The following NBPF11 variants were observed in gnomAD, a reference collection of about 807,000 sequenced individuals.
NBPF11 encodes NBPF family member NBPF11.
In NBPF11, 72 loss-of-function variants were observed where a neutral mutation model predicts 93.9. The ratio of observed to expected loss-of-function variants is 0.77; its 90% CI spans 0.63 to 0.93. The LOEUF (loss-of-function observed/expected upper bound fraction) is 0.93. Among genes scored for constraint, NBPF11 ranks in the 40% least tolerant of loss-of-function variants. NBPF11 has a pLI of 0.00. For synonymous variants in NBPF11, 224 were observed against 304.9 expected (o/e 0.73, Z 2.76); for missense variants, 705 against 802.2 (o/e 0.88, Z 1.46).
chr1:148,121,640 C>A (rs1271992901), intron 9 of NBPF11, among the ~76,000 whole-genome samples: 2 of 151,690 alleles, frequency 1.3e-5, no homozygotes, highest in East Asian at 3.9e-4. Context: ...CAGGTGTGAC[C>A]CACTGCGCCC....
At chr1:148,111,559 A>C (rs1447331404) in intron 15 of NBPF11, among the ~76,000 whole-genome samples, 1 of 151,376 alleles carries the variant, frequency 6.6e-6, no homozygotes, top group Non-Finnish European at 1.5e-5. Flanking sequence ...AAGACCTTAA[A>C]TGACCTGATG....
At chr1:148,150,153 C>CTTT (rs56775503) in intron 1 of NBPF11, among the ~76,000 whole-genome samples, 3 of 135,022 alleles carry the variant, frequency 2.2e-5, no homozygotes, top group African/African-American at 2.8e-5. Context: ...ATGACCTGTA[C>CTTT]TTTTTTTTTT....
In NBPF11 at chr1:148,108,570, A is replaced by T; in HGVS notation, c.1938T>A (p.Tyr646Ter). 1 of 1,601,232 alleles carries T rather than the reference A, an allele frequency of 6.2e-7. No individual in the cohort carries two copies. The highest frequency in any genetic ancestry group is 8.5e-7 in the Non-Finnish European group (1 of 1,170,842). ...LDRCYSTPSV[Y>*]LGLTDSCQPY... ...GCTGGCATGAGTCAGTCAGTCCAAG[A>T]TAAACTGAAGGAGTTGAATAACATC... The change falls in exon 18 of 24, where the codon TAT becomes TAA. Residue 646 changes from tyrosine (Y) to a stop codon, truncating the protein, a stop_gained. Transcript: ENST00000682118. LOFTEE classifies it high-confidence loss of function.
intron 4 of NBPF11, among the ~76,000 whole-genome samples, chr1:148,129,180 TGTA>T (rs1669814935): frequency 6.8e-6 from 1 of 146,452 alleles, no homozygotes; most frequent in Admixed American, 6.8e-5. Flanking sequence ...CATATATACA[TGTA>T]TACACGTATA....
rs1207155269 is a variant in NBPF11, at chr1:148,146,289, C to A, written c.-548-2603G>T. ...GGGCGGTAGCTGGGGGGGCGCTCTC[C>A]CCCCTGCCCGCGACTCGGAGCACCC... On this transcript the variant is annotated intron_variant, in intron 1 of 23. Coordinates refer to ENST00000682118, the MANE Select transcript of NBPF11 (RefSeq NM_001385469.3). 8 of 1,333,058 alleles carry A rather than the reference C, an allele frequency of 6.0e-6. No individual in the cohort carries two copies. In the South Asian group the frequency reaches 1.1e-4, roughly 18 times the overall value. The allele number at this position is 1,333,058 out of a possible 1,614,324, so 82.6% of individuals were successfully genotyped here. A position where few individuals can be genotyped will look rare whatever the true frequency, so the allele number is the denominator to read the frequency against.
chr1:148,132,256 G>GTGT (rs1558157540), intron 4 of NBPF11, among the ~76,000 whole-genome samples: 1 of 135,692 alleles, frequency 7.4e-6, no homozygotes, highest in East Asian at 2.2e-4. Context: ...TGTGTGTGTG[G>GTGT]GGGTGTGTAT....
At chr1:148,127,803 CG>C (rs1372230567) in intron 4 of NBPF11, among the ~76,000 whole-genome samples, 11,446 of 148,256 alleles carry the variant, frequency 0.077, 155 homozygotes, top group Middle Eastern at 0.16. Context: ...CCACCACGCC[CG>C]GCTAATTTTT....
chr1:148,105,417 C>T lies in NBPF11; in HGVS notation c.2415G>A (p.Thr805=), dbSNP rs1466133265. 6.3e-6 allele frequency: 7 copies of T among 1,116,162 alleles called. No individual in the cohort carries two copies. Among genetic ancestry groups the T allele is most frequent in the African/African-American group, 3.4e-5 (2 of 58,158 alleles). The allele number at this position is 1,116,162 out of a possible 1,614,324, so 69.1% of individuals were successfully genotyped here. The stretch of plus-strand genomic sequence containing the variant: ...TCCTCCAATGCATAAAAGGAACTTC[C>T]GTAGGGCTGGCAGGAGTCAGGCTGT... ...VLNSLTPASP[T]EVPFMHWRKN... is the part of the protein sequence containing the mutation. Residue 805 remains threonine (T), a synonymous_variant, in exon 22 of 24, where the codon ACG becomes ACA. Coordinates refer to ENST00000682118, the MANE Select transcript of NBPF11 (RefSeq NM_001385469.3).
chr1:148,149,641 G>C (rs1480419108), intron 1 of NBPF11: 10 of 1,331,054 alleles, frequency 7.5e-6, no homozygotes, highest in Non-Finnish European at 1.0e-5. Flanking sequence ...CCCACCCAGG[G>C]GCTGCATGTG....
In NBPF11 at chr1:148,111,553, C is replaced by T. The variant is rs1389946213; in HGVS notation, c.1638-1012G>A. Among the ~76,000 whole-genome samples the T allele has an allele frequency of 2.6e-5, 4 of 151,392 alleles. No individual in the cohort carries two copies. The South Asian group carries it at 6.2e-4, about 24-fold the overall frequency. ...ACCAGAATGAACAGTGTAGAGAAGA[C>T]CTTAAATGACCTGATGGAGCTGAAA... On this transcript the variant is annotated intron_variant, in intron 15 of 23. Transcript: ENST00000682118.
chr1:148,145,197 CTTTCTTT>C (rs1672799026), intron 1 of NBPF11, among the ~76,000 whole-genome samples: 2 of 100,572 alleles, frequency 2.0e-5, no homozygotes, highest in Non-Finnish European at 4.1e-5. Flanking sequence ...TTTCTTTTTT[CTTTCTTT>C]TTTTTTTTTT....
intron 14 of NBPF11, among the ~76,000 whole-genome samples, chr1:148,115,218 A>G (rs1396508340): frequency 4.2e-4 from 62 of 149,082 alleles, no homozygotes; most frequent in Middle Eastern, 3.4e-3. Context: ...CGACGCTACA[A>G]AGAAACATTG....
intron 6 of NBPF11, among the ~76,000 whole-genome samples, chr1:148,124,445 G>C (rs1484330871): frequency 6.7e-6 from 1 of 148,864 alleles, no homozygotes; most frequent in African/African-American, 2.5e-5. Flanking sequence ...GTACAGAAAT[G>C]AGGCCAGGTG....
intron 2 of NBPF11, among the ~76,000 whole-genome samples, chr1:148,138,528 T>C (rs1357951461): frequency 6.6e-6 from 1 of 151,866 alleles, no homozygotes; most frequent in East Asian, 1.9e-4. Context: ...AGTGTGTCTC[T>C]GGGTACTTGA....
chr1:148,132,438 A>C (rs1401726117), intron 4 of NBPF11, among the ~76,000 whole-genome samples: 1 of 149,534 alleles, frequency 6.7e-6, no homozygotes, highest in Admixed American at 6.6e-5. Flanking sequence ...TTCATTCACC[A>C]TTATTCTTTT....
chr1:148,108,558 A>T lies in NBPF11; in HGVS notation c.1950T>A (p.Thr650=). 5 of 1,603,714 alleles carry T rather than the reference A, an allele frequency of 3.1e-6. No individual in the cohort carries two copies. The highest frequency in any genetic ancestry group is 4.3e-6 in the Non-Finnish European group (5 of 1,173,024). The part of the protein sequence containing the change: ...YSTPSVYLGL[T]DSCQPYRSAF... ...CACTTCTGTAGGGCTGGCATGAGTCAGTCAGTCCAAGATAAACTGAAGGAG... is the reference window on the plus strand; with the variant it reads ...CACTTCTGTAGGGCTGGCATGAGTCTGTCAGTCCAAGATAAACTGAAGGAG... Residue 650 remains threonine (T), a synonymous_variant, in exon 18 of 24, where the codon ACT becomes ACA. Transcript: ENST00000682118.
At chr1:148,131,433 AC>A (rs1351016285) in intron 4 of NBPF11, among the ~76,000 whole-genome samples, 7 of 151,942 alleles carry the variant, frequency 4.6e-5, no homozygotes, top group African/African-American at 1.7e-4. Flanking sequence ...CAGCACCTAG[AC>A]CCATTTAGAT....
At position 148,126,844 on chromosome 1, in the gene NBPF11, G is replaced by A. The variant is rs1553273212; in HGVS notation, c.160C>T (p.Arg54Ter). The A allele has an allele frequency of 5.8e-6, 9 of 1,562,828 alleles. No homozygotes were observed. The African/African-American group carries it at 9.6e-5, about 17-fold the overall frequency. Reference protein sequence around the residue: ...LTQLAGFLANRQKKYKYEECK... With the variant: ...LTQLAGFLAN ...TAGATCTTACTGTATTTCTTCTGTCGGTTGGCCAGGAAGCCGGCCAGTTGA... is the reference window on the plus strand; with the variant it reads ...TAGATCTTACTGTATTTCTTCTGTCAGTTGGCCAGGAAGCCGGCCAGTTGA... The change falls in exon 5 of 24, where the codon CGA (arginine) becomes TGA (stop). Residue 54 changes from arginine to a stop codon, truncating the protein, a stop_gained. Coordinates refer to ENST00000682118, the MANE Select transcript of NBPF11 (RefSeq NM_001385469.3). LOFTEE classifies it high-confidence loss of function.
In NBPF11 at chr1:148,149,382, T is replaced by C. The variant is rs1167618145; in HGVS notation, c.-549+2368A>G. On this transcript the variant is annotated intron_variant, in intron 1 of 23. Coordinates refer to ENST00000682118, the MANE Select transcript of NBPF11 (RefSeq NM_001385469.3). ...AAGATCACGTCTCCCGTGCTCATCA[T>C]CCACGGCAGGGAGGACGAGGTGATC... 3.8e-5 allele frequency: 60 copies of C among 1,594,634 alleles called. 1 individual carries two copies. The highest frequency in any genetic ancestry group is 4.9e-5 in the Non-Finnish European group (58 of 1,178,406).
Sources: allele counts gnomAD v4.1 joint callset (sites outside exome capture counted in the v4.1 genomes callset), GRCh38; gene constraint gnomAD v4.1.1; transcripts MANE v1.5; gene names NCBI Gene and HGNC (gene_info 2026-07-23, HGNC 2026-07-21).